Variants in STK32C observed in about 807,000 individuals in gnomAD.
STK32C encodes the protein serine/threonine-protein kinase 32C.
STK32C carries 31 observed loss-of-function variants against 56.5 expected under a neutral mutation model. The ratio of observed to expected loss-of-function variants is 0.55; its 90% CI spans 0.41 to 0.74. STK32C has a LOEUF of 0.74. Among genes scored for constraint, STK32C ranks in the 30% least tolerant of loss-of-function variants. The probability of loss-of-function intolerance (pLI) is 0.00; values close to 1 mark genes in which losing one functional copy is unlikely to be tolerated. For missense variants in STK32C, 544 were observed against 676.9 expected, an observed-to-expected ratio of 0.80 and a Z score of 2.18; for synonymous variants, 309 against 289.4, an observed-to-expected ratio of 1.07 and a Z score of -0.69.
At position 132,222,737 on chromosome 10, in the gene STK32C, C is replaced by CAGCTCAAAGGTGGGGTCGCAG; in HGVS notation, c.1134_1154dup (p.Cys379_Leu385dup). 3 of 1,609,438 alleles carry CAGCTCAAAGGTGGGGTCGCAG rather than the reference C, an allele frequency of 1.9e-6. No homozygotes were observed. Among genetic ancestry groups the CAGCTCAAAGGTGGGGTCGCAG allele is most frequent in the Non-Finnish European group, 2.5e-6 (3 of 1,178,152 alleles). ...GCCTGGACTCCAGGATCATCTCCTCCAGCTCAAAGGTGGGGTCGCAGTGCA... is the reference window on the plus strand; with the variant it reads ...GCCTGGACTCCAGGATCATCTCCTCCAGCTCAAAGGTGGGGTCGCAGAGCTCAAAGGTGGGGTCGCAGTGCA... On this transcript the variant is annotated inframe_insertion, in exon 10 of 12. Transcript: ENST00000298630.
At chr10:132,260,773 G>A (rs1271214483) in intron 1 of STK32C, among the ~76,000 whole-genome samples, 1 of 152,238 alleles carries the variant, frequency 6.6e-6, no homozygotes, top group Non-Finnish European at 1.5e-5. Context: ...CACCTGGAGG[G>A]GCAGGGAGAG....
At chr10:132,218,603 G>A (rs561337511) in intron 10 of STK32C, among the ~76,000 whole-genome samples, 4 of 152,112 alleles carry the variant, frequency 2.6e-5, no homozygotes, top group Non-Finnish European at 5.9e-5. Flanking sequence ...GCTGGTAGGG[G>A]CATAAAATGG....
intron 1 of STK32C, among the ~76,000 whole-genome samples, chr10:132,279,714 CCACTCCCTGATCACACCACTG>C (rs1339340978): frequency 9.3e-5 from 14 of 149,824 alleles, no homozygotes; most frequent in African/African-American, 1.5e-4. Context: ...TCACGACACT[CCACTCCCTGATCACACCACTG>C]CACTCCGTGA....
At position 132,225,802 on chromosome 10, in the gene STK32C, T is replaced by C. The variant is rs555980878; in HGVS notation, c.645-18A>G. ...TGACATCTCTAGAAAGAGCAGAAAGTGGGAAGGTGAGTTGGGAATCTGCCC... is the reference window on the plus strand; with the variant it reads ...TGACATCTCTAGAAAGAGCAGAAAGCGGGAAGGTGAGTTGGGAATCTGCCC... On this transcript the variant is annotated intron_variant, in intron 4 of 11. Coordinates refer to ENST00000298630, the MANE Select transcript of STK32C (RefSeq NM_173575.4). 1.7e-4 allele frequency: 280 copies of C among 1,613,596 alleles called. 1 individual carries two copies. In the South Asian group the frequency reaches 2.7e-3, roughly 16 times the overall value.
intron 2 of STK32C, among the ~76,000 whole-genome samples, chr10:132,231,241 A>G (rs2063089387): frequency 6.6e-6 from 1 of 152,156 alleles, no homozygotes; most frequent in African/African-American, 2.4e-5. Flanking sequence ...CCACCAGAAC[A>G]AAGCAGCAGA....
intron 1 of STK32C, among the ~76,000 whole-genome samples, chr10:132,289,440 C>T (rs960065476): frequency 1.3e-5 from 2 of 152,170 alleles, no homozygotes; most frequent in Non-Finnish European, 2.9e-5. Flanking sequence ...TCGTTAAACT[C>T]CTACAACTTA....
rs182710659 is a variant in STK32C, at chr10:132,235,719, C to T, written c.319-7591G>A. On this transcript the variant is annotated intron_variant, in intron 2 of 11. Coordinates refer to ENST00000298630, the MANE Select transcript of STK32C (RefSeq NM_173575.4). ...GCAAGGACAGGGCCCACAGAGTGAC[C>T]GGCGGTCACGGACCCACCTCACTGC... Among the ~76,000 whole-genome samples, 732 of 152,094 alleles carry T rather than the reference C, an allele frequency of 4.8e-3. 10 individuals are homozygous for T. The highest frequency in any genetic ancestry group is 0.017 in the African/African-American group (709 of 41,478).
chr10:132,307,453 G>T lies in STK32C; in HGVS notation c.262+119C>A. The T allele has an allele frequency of 8.6e-7, 1 of 1,168,714 alleles. No homozygotes were observed. The highest frequency in any genetic ancestry group is 4.3e-5 in the Admixed American group (1 of 23,392). The allele number at this position is 1,168,714 out of a possible 1,614,324, so 72.4% of individuals were successfully genotyped here. A position where few individuals can be genotyped will look rare whatever the true frequency, so the allele number is the denominator to read the frequency against. ...CCCGGCGCGAGCTTCTCCGGAAGCC[G>T]GGGCGCCCCGGGAAGCCGTCCCGGA... On this transcript the variant is annotated intron_variant, in intron 1 of 11. Coordinates refer to ENST00000298630, the MANE Select transcript of STK32C (RefSeq NM_173575.4). This position sits in a 1 kb window ranked among gnomAD's most constrained non-coding sequence, Gnocchi z 4.4.
intron 1 of STK32C, among the ~76,000 whole-genome samples, chr10:132,318,812 T>G (rs1281623280): frequency 1.3e-5 from 2 of 151,738 alleles, no homozygotes. Flanking sequence ...AAGAAGCAAG[T>G]AAAAATTTAA....
chr10:132,265,238 G>A (rs2064474450), intron 1 of STK32C, among the ~76,000 whole-genome samples: 1 of 144,546 alleles, frequency 6.9e-6, no homozygotes, highest in South Asian at 2.2e-4. Flanking sequence ...GCAGCGAGGT[G>A]GCTCTGGGGG....
chr10:132,220,836 C>T (rs1165405253), intron 10 of STK32C, among the ~76,000 whole-genome samples: 2 of 152,140 alleles, frequency 1.3e-5, no homozygotes, highest in Non-Finnish European at 2.9e-5. Context: ...GGTGAGACCC[C>T]GAAGCAGGGA....
chr10:132,283,280 G>A (rs867453706), intron 1 of STK32C, among the ~76,000 whole-genome samples: 2 of 152,240 alleles, frequency 1.3e-5, no homozygotes, highest in Middle Eastern at 3.4e-3. Context: ...GTGGCTTTGG[G>A]GATGACTGTA....
At chr10:132,276,291 G>A (rs530772620) in intron 1 of STK32C, among the ~76,000 whole-genome samples, 17 of 152,352 alleles carry the variant, frequency 1.1e-4, no homozygotes, top group African/African-American at 3.8e-4. Flanking sequence ...CCAAGTCTGG[G>A]ATCGGCTGGC....
At chr10:132,225,458 G>A (rs1419779285) in intron 6 of STK32C, 69 bp downstream of exon 6, 2 of 1,600,852 alleles carry the variant, frequency 1.2e-6, no homozygotes, top group Non-Finnish European at 1.7e-6. Context: ...GGACAGAGAA[G>A]CCACCGAGGT....
chr10:132,308,188 G>A (rs976754028), upstream of STK32C, among the ~76,000 whole-genome samples: 1 of 152,106 alleles, frequency 6.6e-6, no homozygotes, highest in African/African-American at 2.4e-5. Context: ...ACCAGTCTAG[G>A]GATGGGGGCT....
At chr10:132,208,578 G>T (rs367924714) in intron 11 of STK32C, among the ~76,000 whole-genome samples, 1 of 152,166 alleles carries the variant, frequency 6.6e-6, no homozygotes, top group East Asian at 1.9e-4. Flanking sequence ...TGCCCCGTGC[G>T]GGCAGAGGGA....
At chr10:132,292,134 A>G (rs780917615) in intron 1 of STK32C, among the ~76,000 whole-genome samples, 7 of 152,124 alleles carry the variant, frequency 4.6e-5, no homozygotes, top group African/African-American at 7.2e-5. Context: ...TACTCTCTAA[A>G]GTCAAGAAGA....
chr10:132,286,733 T>A (rs2065415904), intron 1 of STK32C, among the ~76,000 whole-genome samples: 1 of 152,116 alleles, frequency 6.6e-6, no homozygotes, highest in Non-Finnish European at 1.5e-5. Flanking sequence ...CTCAGCAAAC[T>A]AAGAGGAGAA....
chr10:132,223,786 G>A (rs943037079), intron 8 of STK32C, among the ~76,000 whole-genome samples: 5 of 152,172 alleles, frequency 3.3e-5, no homozygotes, highest in Non-Finnish European at 7.3e-5. Context: ...TGTCCTGCCT[G>A]GGCCTGGCTC....
Sources: allele counts gnomAD v4.1 joint callset (sites outside exome capture counted in the v4.1 genomes callset), GRCh38; gene constraint gnomAD v4.1.1; non-coding constraint Gnocchi (gnomAD v3.1); transcripts MANE v1.5; gene names NCBI Gene and HGNC (gene_info 2026-07-23, HGNC 2026-07-21).